Variants in LRP2 observed in about 807,000 individuals in gnomAD.
LRP2 encodes LDL receptor related protein 2.
A neutral mutation model predicts 531.0 loss-of-function variants in LRP2; 172 were observed. The ratio of observed to expected loss-of-function variants is 0.32; its 90% CI spans 0.29 to 0.37. The LOEUF is 0.37. LRP2 is among the 10% of genes least tolerant of loss of function. The pLI is 1.00. For synonymous variants in LRP2, 1,992 were observed against 2,027.6 expected, an observed-to-expected ratio of 0.98 and a Z score of 0.47; for missense variants, 5,167 against 5,868.3, an observed-to-expected ratio of 0.88 and a Z score of 3.90.
At chr2:169,202,357 T>C (rs1315585867) in intron 43 of LRP2, among the ~76,000 whole-genome samples, 1 of 152,190 alleles carries the variant, frequency 6.6e-6, no homozygotes, top group Admixed American at 6.5e-5. Flanking sequence ...ATTGGTAAAA[T>C]GATACGTTTC....
chr2:169,289,291 A>C, intron 8 of LRP2, 146 bp from the exon 9 acceptor site: 1 of 1,022,086 alleles, frequency 9.8e-7, no homozygotes, highest in Non-Finnish European at 1.5e-6. Context: ...AGCTTACTGC[A>C]AAACTTTGCA....
chr2:169,157,031 A>G (rs983429139), intron 64 of LRP2, among the ~76,000 whole-genome samples: 2 of 152,192 alleles, frequency 1.3e-5, no homozygotes, highest in African/African-American at 4.8e-5. Context: ...TTGACTTACA[A>G]TGAAGAAAGT....
chr2:169,329,283 C>T (rs1427236256), intron 1 of LRP2, among the ~76,000 whole-genome samples: 1 of 152,162 alleles, frequency 6.6e-6, no homozygotes, highest in African/African-American at 2.4e-5. Flanking sequence ...TCACTCACGC[C>T]TGTAATCCCA....
chr2:169,202,895 C>T lies in LRP2; in HGVS notation c.8070G>A (p.Lys2690=), dbSNP rs144284604. The T allele has an allele frequency of 1.5e-4, 238 of 1,614,232 alleles. 1 individual carries two copies. In the Admixed American group the frequency reaches 3.7e-3, roughly 25 times the overall value. The change falls in exon 43 of 79, where the codon AAG becomes AAA. Residue 2690 remains lysine, a synonymous_variant. Transcript: ENST00000649046. The part of the protein sequence containing the change: ...EGNWYLANNR[K]HCIVDNGERC... Reference sequence around the variant, plus strand: ...GTTCACCATTGTCCACAATGCAGTGCTTCCTGTTGTTGGCCAAATACCAGT... The same window carrying T: ...GTTCACCATTGTCCACAATGCAGTGTTTCCTGTTGTTGGCCAAATACCAGT...
intron 4 of LRP2, among the ~76,000 whole-genome samples, chr2:169,295,729 T>C: frequency 6.6e-6 from 1 of 152,222 alleles, no homozygotes; most frequent in East Asian, 1.9e-4. Flanking sequence ...GCTTGAGAAA[T>C]GTTCAATGTT....
chr2:169,193,847 C>G lies in LRP2; in HGVS notation c.8744G>C (p.Gly2915Ala), dbSNP rs911864785. ...CCATTCGCTTGGGATGCACCTCCCA[C>G]CATCACACTTGAACTCATCAGCTAG... ...TCLADEFKCD[G>A]GRCIPSEWIC... Residue 2915 changes from glycine (G) to alanine (A), a missense_variant, in exon 47 of 79, where the codon GGT (glycine) becomes GCT (alanine). By Grantham distance (60) the Gly-to-Ala change is moderately conservative. Transcript: ENST00000649046. 6.2e-7 allele frequency: 1 copy of G among 1,614,156 alleles called. No homozygotes were observed. Among genetic ancestry groups the G allele is most frequent in the Admixed American group, 1.7e-5 (1 of 60,022 alleles).
intron 66 of LRP2, among the ~76,000 whole-genome samples, chr2:169,153,875 G>C (rs564717710): frequency 6.6e-6 from 1 of 152,208 alleles, no homozygotes; most frequent in South Asian, 2.1e-4. Context: ...TAAATTTTTT[G>C]ATCACCTACC....
intron 1 of LRP2, among the ~76,000 whole-genome samples, chr2:169,345,326 C>T (rs1425391345): frequency 6.6e-6 from 1 of 152,036 alleles, no homozygotes; most frequent in Non-Finnish European, 1.5e-5. Flanking sequence ...ATTTTTTCTC[C>T]GTTATAGTAA....
intron 1 of LRP2, among the ~76,000 whole-genome samples, chr2:169,328,398 G>C (rs1196545534): frequency 8.2e-5 from 11 of 133,818 alleles, no homozygotes; most frequent in Admixed American, 5.6e-4. Context: ...CCACCACCTC[G>C]TCTGGGAGGT....
intron 3 of LRP2, among the ~76,000 whole-genome samples, chr2:169,308,599 C>T (rs1282926848): frequency 6.6e-6 from 1 of 152,198 alleles, no homozygotes; most frequent in Non-Finnish European, 1.5e-5. Context: ...ATATGTGCCA[C>T]ATTTTCTTAA....
chr2:169,337,047 T>A (rs1005453834), intron 1 of LRP2, among the ~76,000 whole-genome samples: 2 of 152,118 alleles, frequency 1.3e-5, no homozygotes, highest in Non-Finnish European at 2.9e-5. Context: ...TCCGCCTGAC[T>A]TCCCCCACCG....
intron 1 of LRP2, among the ~76,000 whole-genome samples, chr2:169,350,916 G>C (rs1324509457): frequency 6.6e-6 from 1 of 151,890 alleles, no homozygotes; most frequent in East Asian, 1.9e-4. Flanking sequence ...AGTCCATGCC[G>C]CCTCCCTGAA....
rs188440203 is a variant in LRP2, at chr2:169,226,322, C to T, written c.5394+100G>A. ...GATAAATTTATTTCCACATTGTTTCCCTTTTACTCACATGACAAAAGTTTG... is the reference window on the plus strand; with the variant it reads ...GATAAATTTATTTCCACATTGTTTCTCTTTTACTCACATGACAAAAGTTTG... On this transcript the variant is annotated intron_variant, in intron 32 of 78. Coordinates refer to ENST00000649046, the MANE Select transcript of LRP2 (RefSeq NM_004525.3). 4.3e-6 allele frequency: 4 copies of T among 935,538 alleles called. No homozygotes were observed. The Admixed American group carries it at 5.7e-5, about 13-fold the overall frequency. The allele number at this position is 935,538 out of a possible 1,614,324, so 58.0% of individuals were successfully genotyped here. A position where few individuals can be genotyped will look rare whatever the true frequency, so the allele number is the denominator to read the frequency against.
At chr2:169,239,850 T>C in intron 25 of LRP2, 75 bp from the exon 26 acceptor site, 2 of 1,321,198 alleles carry the variant, frequency 1.5e-6, no homozygotes, top group Non-Finnish European at 1.1e-6. Context: ...TTATGCAATA[T>C]TTATTATGCA....
chr2:169,200,190 G>A (rs901849164), intron 44 of LRP2, among the ~76,000 whole-genome samples: 6 of 152,318 alleles, frequency 3.9e-5, no homozygotes, highest in South Asian at 2.1e-4. Flanking sequence ...GGCAGAGCTT[G>A]CAGTGAGCTG....
Position 169,146,777 on chromosome 2 carries a change from T to G in LRP2, c.12773A>C (p.Lys4258Thr). The G allele has an allele frequency of 6.2e-7, 1 of 1,614,140 alleles. No homozygotes were observed. The highest frequency in any genetic ancestry group is 1.3e-5 in the African/African-American group (1 of 75,052). ...GACTCTCCTATCAGTCCCATCATATTTTATGGTTTCAATAACGTCCTCCTT... is the reference window on the plus strand; with the variant it reads ...GACTCTCCTATCAGTCCCATCATATGTTATGGTTTCAATAACGTCCTCCTT... ...DFKEDVIETIKYDGTDRRVIA... is the reference protein window; with the variant it reads ...DFKEDVIETITYDGTDRRVIA... Residue 4258 changes from lysine (K) to threonine (T), a missense_variant, in exon 69 of 79, where the codon AAA becomes ACA. Around this residue, in one of 6 missense-constraint regions of LRP2, gnomAD observed 564 missense variants for 747.7 expected, o/e 0.75. Coordinates refer to ENST00000649046, the MANE Select transcript of LRP2 (RefSeq NM_004525.3).
intron 61 of LRP2, 38 bp from the exon 62 acceptor site, chr2:169,166,092 C>A (rs1192048789): frequency 6.2e-7 from 1 of 1,610,544 alleles, no homozygotes; most frequent in Admixed American, 1.7e-5. Context: ...TACAAGTTAA[C>A]AGTAGAATCT....
At chr2:169,299,150 AG>A (rs1355995347) in intron 4 of LRP2, among the ~76,000 whole-genome samples, 3 of 15,054 alleles carry the variant, frequency 2.0e-4, no homozygotes, top group African/African-American at 3.7e-4. Context: ...AAAGAAAGAA[AG>A]AAAGAAAAAA....
At chr2:169,137,326 C>T (rs1685549241) in intron 76 of LRP2, 66 bp downstream of exon 76, 3 of 1,159,430 alleles carry the variant, frequency 2.6e-6, no homozygotes, top group South Asian at 2.4e-5. Flanking sequence ...AATCCTAAGA[C>T]ATGACTCAAT....
Sources: allele counts gnomAD v4.1 joint callset (sites outside exome capture counted in the v4.1 genomes callset), GRCh38; gene constraint gnomAD v4.1.1; regional missense constraint gnomAD v4.1.1; transcripts MANE v1.5; gene names NCBI Gene and HGNC (gene_info 2026-07-23, HGNC 2026-07-21).